Variants in TRA2A observed in about 807,000 individuals in gnomAD.
TRA2A encodes transformer-2 protein homolog alpha.
Under a neutral mutation model 45.7 loss-of-function variants are expected in TRA2A, and 31 were observed. The ratio of observed to expected loss-of-function variants is 0.68; its 90% CI spans 0.51 to 0.92. TRA2A has a LOEUF of 0.92. Among genes scored for constraint, TRA2A ranks in the 40% least tolerant of loss-of-function variants. TRA2A has a pLI of 0.00. For missense variants in TRA2A, 304 were observed against 367.5 expected (o/e 0.83, Z 1.41); for synonymous variants, 132 against 126.2 (o/e 1.05, Z -0.31).
chr7:23,512,439 A>G (rs11982014), intron 4 of TRA2A, among the ~76,000 whole-genome samples: 62,786 of 152,006 alleles, frequency 0.41, 13,721 homozygotes, highest in African/African-American at 0.56. Flanking sequence ...CAGCCTGGGC[A>G]ACAGAGCAAA....
At chr7:23,522,040 A>G in intron 1 of TRA2A, 200 bp from the exon 2 acceptor site, 2 of 1,398,308 alleles carry the variant, frequency 1.4e-6, no homozygotes, top group Admixed American at 3.0e-5. Context: ...CTTGAACCAG[A>G]TCACCAATTC....
intron 4 of TRA2A, among the ~76,000 whole-genome samples, chr7:23,510,887 C>T (rs1184752956): frequency 6.6e-6 from 1 of 151,720 alleles, no homozygotes; most frequent in South Asian, 2.1e-4. Flanking sequence ...CATTAAACTG[C>T]CTGTGACATA....
At chr7:23,525,583 T>G (rs1288892283) in intron 1 of TRA2A, among the ~76,000 whole-genome samples, 1 of 152,230 alleles carries the variant, frequency 6.6e-6, no homozygotes, top group Non-Finnish European at 1.5e-5. Flanking sequence ...CAGCACAACC[T>G]GCTTTAACAG....
intron 4 of TRA2A, among the ~76,000 whole-genome samples, chr7:23,512,573 C>T (rs1249226406): frequency 2.0e-5 from 3 of 152,102 alleles, no homozygotes; most frequent in African/African-American, 7.2e-5. Context: ...ATTCTCCTGC[C>T]TCAGACTCCC....
At chr7:23,527,968 C>G (rs2128000830) in intron 1 of TRA2A, among the ~76,000 whole-genome samples, 1 of 152,108 alleles carries the variant, frequency 6.6e-6, no homozygotes, top group Non-Finnish European at 1.5e-5. Flanking sequence ...CAACTGAAAG[C>G]ATTAAAATCA....
chr7:23,520,142 G>T (rs1394581703), intron 2 of TRA2A, among the ~76,000 whole-genome samples: 1 of 152,218 alleles, frequency 6.6e-6, no homozygotes, highest in African/African-American at 2.4e-5. Flanking sequence ...CTTGAACCCG[G>T]GAGGTGGAGG....
intron 5 of TRA2A, 69 bp downstream of exon 5, chr7:23,507,351 G>C (rs1158074166): frequency 7.9e-7 from 1 of 1,273,072 alleles, no homozygotes; most frequent in Non-Finnish European, 1.1e-6. Flanking sequence ...AAAAGTTTCT[G>C]AGTAATCAAA....
intron 1 of TRA2A, chr7:23,522,472 G>A: frequency 9.7e-7 from 1 of 1,032,212 alleles, no homozygotes; most frequent in African/African-American, 1.7e-5. Context: ...TAAGCACGTG[G>A]GGATTATAAA....
chr7:23,507,643 G>GA lies in TRA2A; in HGVS notation c.526-109dup, dbSNP rs959044905. ...GTAATCCAAATAAACTCCTGATTTT[G>GA]AAAATGACAGCAATGTAGCTTGTAC... is the stretch of plus-strand genomic sequence containing the variant. On this transcript the variant is annotated intron_variant, in intron 4 of 7. Coordinates refer to ENST00000297071, the MANE Select transcript of TRA2A (RefSeq NM_013293.5). 19 of 777,196 alleles carry GA rather than the reference G, an allele frequency of 2.4e-5. No homozygotes were observed. The Admixed American group carries it at 2.6e-4, about 10-fold the overall frequency. 48.1% of individuals were successfully genotyped at this position (777,196 alleles called of 1,614,324 possible).
intron 4 of TRA2A, among the ~76,000 whole-genome samples, chr7:23,508,245 C>T (rs536895095): frequency 1.2e-3 from 179 of 147,046 alleles, no homozygotes; most frequent in Non-Finnish European, 2.1e-3. Context: ...AATATTTCTC[C>T]GTAAGAGTGT....
chr7:23,506,467 AC>A lies in TRA2A; in HGVS notation c.642-202del, dbSNP rs1404647372. ...TACATACATAATCAAGAAGGGCTTC[AC>A]AAAACTCTCAAAACTATTAACTGCT... On this transcript the variant is annotated intron_variant, in intron 5 of 7. Coordinates refer to ENST00000297071, the MANE Select transcript of TRA2A (RefSeq NM_013293.5). 2.7e-5 allele frequency: 14 copies of A among 511,676 alleles called. No homozygotes were observed. The East Asian group carries it at 3.7e-4, about 13-fold the overall frequency. The allele number at this position is 511,676 out of a possible 1,614,324, so 31.7% of individuals were successfully genotyped here.
chr7:23,512,840 C>A, intron 4 of TRA2A, 54 bp downstream of exon 4: 2 of 1,249,444 alleles, frequency 1.6e-6, no homozygotes, highest in Admixed American at 2.7e-5. Context: ...GTCTATTAAT[C>A]AACTTTTCAC....
intron 1 of TRA2A, among the ~76,000 whole-genome samples, chr7:23,530,401 C>A (rs1790522336): frequency 6.6e-6 from 1 of 152,104 alleles, no homozygotes; most frequent in South Asian, 2.1e-4. Flanking sequence ...CTAAACTGAC[C>A]TTCTGATTTG....
chr7:23,512,885 C>A lies in TRA2A; in HGVS notation c.525+9G>T, dbSNP rs774573565. On this transcript the variant is annotated intron_variant, in intron 4 of 7. Transcript: ENST00000297071. Reference sequence around the variant, plus strand: ...GTACTATAATCAGGCATATAAAAGACAAATTTACCTCCTTTGAGTCATCTA... The same window carrying A: ...GTACTATAATCAGGCATATAAAAGAAAAATTTACCTCCTTTGAGTCATCTA... 2 of 1,596,032 alleles carry A rather than the reference C, an allele frequency of 1.3e-6. No individual in the cohort carries two copies. The highest frequency in any genetic ancestry group is 1.7e-6 in the Non-Finnish European group (2 of 1,169,702).
chr7:23,520,456 A>G (rs1393388205), intron 2 of TRA2A, among the ~76,000 whole-genome samples: 1 of 152,200 alleles, frequency 6.6e-6, no homozygotes, highest in Non-Finnish European at 1.5e-5. Context: ...AGCCAGTGCT[A>G]TTCTGCACAT....
intron 4 of TRA2A, among the ~76,000 whole-genome samples, chr7:23,510,192 A>G (rs904095342): frequency 2.6e-5 from 4 of 152,260 alleles, no homozygotes; most frequent in African/African-American, 9.6e-5. Flanking sequence ...AACTGAAAAG[A>G]GAAACTGTGA....
At chr7:23,520,378 T>G (rs1017172944) in intron 2 of TRA2A, among the ~76,000 whole-genome samples, 2 of 152,220 alleles carry the variant, frequency 1.3e-5, no homozygotes, top group East Asian at 3.8e-4. Context: ...ACGTTCTAGG[T>G]TGAAGGTGGC....
In TRA2A at chr7:23,511,394, AAAAAAAAAAAAAAAAAGAAAAG is replaced by A. The variant is rs1221457925; in HGVS notation, c.525+1478_525+1499del. Among the ~76,000 whole-genome samples the A allele has an allele frequency of 3.2e-3, 127 of 39,830 alleles. 1 individual carries two copies. The highest frequency in any genetic ancestry group is 0.016 in the African/African-American group (121 of 7,662). The allele number at this position is 39,830 out of a possible 152,430, so 26.1% of individuals were successfully genotyped here. ...TCAAAAAAAAAAAAAAAAAAAAAAA[AAAAAAAAAAAAAAAAAGAAAAG>A]AAAAGAAAAGAAAAACACCCTGATT... On this transcript the variant is annotated intron_variant, in intron 4 of 7. Coordinates refer to ENST00000297071, the MANE Select transcript of TRA2A (RefSeq NM_013293.5).
intron 6 of TRA2A, 116 bp from the exon 7 acceptor site, chr7:23,505,929 T>TATTAAGTAGTTCTCTTTCTGCCA: frequency 1.4e-6 from 1 of 719,844 alleles, no homozygotes; most frequent in East Asian, 2.7e-5. Context: ...AACTACTTAA[T>TATTAAGTAGTTCTCTTTCTGCCA]ATTAAGTTCT....
Sources: gnomAD v4.1 joint callset for allele counts (sites outside exome capture counted in the v4.1 genomes callset) on GRCh38, gnomAD v4.1.1 for gene constraint, MANE v1.5 for transcripts, NCBI Gene and HGNC (gene_info 2026-07-23, HGNC 2026-07-21) for gene names.